ADGRL3: variants seen among roughly 807,000 people sequenced by gnomAD.
ADGRL3 encodes the protein calcium-independent alpha-latrotoxin receptor 3.
ADGRL3 carries 62 observed loss-of-function variants against 153.5 expected under a neutral mutation model. The ratio of observed to expected loss-of-function variants is 0.40; its 90% CI spans 0.33 to 0.50. The LOEUF is 0.50. Among genes scored for constraint, ADGRL3 ranks in the 20% least tolerant of loss-of-function variants. ADGRL3 has a pLI of 0.47. For synonymous variants in ADGRL3, 710 were observed against 672.5 expected (o/e 1.06, Z -0.86); for missense variants, 1,641 against 1,859.4 (o/e 0.88, Z 2.16).
intron 25 of ADGRL3, among the ~76,000 whole-genome samples, chr4:62,059,855 C>T (rs1278862518): frequency 1.3e-5 from 2 of 152,114 alleles, no homozygotes; most frequent in African/African-American, 4.8e-5. Context: ...AACTTTAGAA[C>T]TAACTGTCTT....
At chr4:61,669,433 T>C (rs1434550604) in intron 5 of ADGRL3, among the ~76,000 whole-genome samples, 2 of 152,184 alleles carry the variant, frequency 1.3e-5, no homozygotes, top group African/African-American at 4.8e-5. Context: ...ACTACTGATA[T>C]ATGCATCTAT....
chr4:61,494,788 C>T (rs145947753), intron 2 of ADGRL3, among the ~76,000 whole-genome samples: 1 of 151,874 alleles, frequency 6.6e-6, no homozygotes, highest in Admixed American at 6.6e-5. Flanking sequence ...AGAGAAAACT[C>T]TTTATATATA....
At chr4:61,329,719 G>A (rs1421758168) in intron 1 of ADGRL3, among the ~76,000 whole-genome samples, 1 of 152,078 alleles carries the variant, frequency 6.6e-6, no homozygotes, top group East Asian at 1.9e-4. Flanking sequence ...ACAGTTTTGT[G>A]TTGTCTTTTT....
intron 2 of ADGRL3, among the ~76,000 whole-genome samples, chr4:61,396,309 A>C (rs2096867793): frequency 6.6e-6 from 1 of 151,926 alleles, no homozygotes; most frequent in Non-Finnish European, 1.5e-5. Flanking sequence ...ACTAAGTTAT[A>C]ATGTTGGCCC....
chr4:61,676,847 T>C lies in ADGRL3; in HGVS notation c.495T>C (p.Cys165=), dbSNP rs1169063315. The C allele has an allele frequency of 1.9e-6, 3 of 1,611,936 alleles. No homozygotes were observed. The Admixed American group carries it at 5.0e-5, about 27-fold the overall frequency. ...TCAGATGCAATAACAGAACCCAGTG[T>C]GCAGTGGTGGCAGGTCCTGATGTTT... is the stretch of plus-strand genomic sequence containing the variant. The part of the protein sequence containing the change: ...MSQRCNNRTQ[C]AVVAGPDVFP... The change falls in exon 6 of 27, where the codon TGT becomes TGC. Residue 165 remains cysteine, a synonymous_variant. Transcript: ENST00000683033.
At chr4:61,306,002 G>A (rs1429605813) in intron 1 of ADGRL3, among the ~76,000 whole-genome samples, 2 of 152,158 alleles carry the variant, frequency 1.3e-5, no homozygotes, top group Non-Finnish European at 2.9e-5. Flanking sequence ...TTATAATGAA[G>A]TTAGAGATTC....
chr4:61,215,704 A>G (rs1036275091), intron 1 of ADGRL3, among the ~76,000 whole-genome samples: 1 of 151,410 alleles, frequency 6.6e-6, no homozygotes, highest in African/African-American at 2.4e-5. Context: ...GGCGCCCGCC[A>G]CCACGCCCGG....
At chr4:61,268,701 T>C (rs1366446580) in intron 1 of ADGRL3, among the ~76,000 whole-genome samples, 2 of 151,602 alleles carry the variant, frequency 1.3e-5, no homozygotes, top group Non-Finnish European at 3.0e-5. Flanking sequence ...TGACACATAT[T>C]TGGAAAAATA....
intron 25 of ADGRL3, among the ~76,000 whole-genome samples, chr4:62,046,492 T>A (rs972634286): frequency 5.3e-5 from 8 of 151,944 alleles, no homozygotes; most frequent in African/African-American, 1.7e-4. Flanking sequence ...ATTTGAAATA[T>A]ATTTAAAGGA....
chr4:61,715,947 TA>T (rs59481591), intron 6 of ADGRL3, among the ~76,000 whole-genome samples: 3,108 of 85,390 alleles, frequency 0.036, 92 homozygotes, highest in African/African-American at 0.094. Flanking sequence ...GCCCTTAAAG[TA>T]AAAAAAAAAA....
At chr4:62,042,797 A>G (rs1319939162) in intron 24 of ADGRL3, among the ~76,000 whole-genome samples, 2 of 152,110 alleles carry the variant, frequency 1.3e-5, no homozygotes, top group African/African-American at 2.4e-5. Flanking sequence ...ACAAAAGTAT[A>G]CAAAACATAA....
chr4:61,226,304 TG>T (rs1747945133), intron 1 of ADGRL3, among the ~76,000 whole-genome samples: 1 of 152,158 alleles, frequency 6.6e-6, no homozygotes, highest in Admixed American at 6.5e-5. Context: ...AAGAAAACAC[TG>T]TGGGTTTATT....
chr4:61,985,921 A>C (rs1161619731), intron 19 of ADGRL3, among the ~76,000 whole-genome samples: 8 of 146,942 alleles, frequency 5.4e-5, no homozygotes, highest in Middle Eastern at 3.3e-3. Flanking sequence ...AAAAAAAAAC[A>C]AAAAAACACG....
At chr4:61,527,658 T>A (rs2098577112) in intron 4 of ADGRL3, among the ~76,000 whole-genome samples, 1 of 152,202 alleles carries the variant, frequency 6.6e-6, no homozygotes, top group Non-Finnish European at 1.5e-5. Context: ...TTGTAAGATG[T>A]TGATGTAAAT....
chr4:61,383,702 C>T (rs1303654802), intron 2 of ADGRL3, among the ~76,000 whole-genome samples: 10 of 151,428 alleles, frequency 6.6e-5, no homozygotes, highest in Admixed American at 2.0e-4. Context: ...GGTAGCAACA[C>T]GATGTTTAAT....
intron 1 of ADGRL3, among the ~76,000 whole-genome samples, chr4:61,375,149 TAA>T (rs963740028): frequency 1.3e-5 from 2 of 151,414 alleles, no homozygotes; most frequent in Admixed American, 1.3e-4. Context: ...TGGTAACTCT[TAA>T]AAAAAAATCT....
At chr4:61,779,030 C>A (rs1178813118) in intron 8 of ADGRL3, among the ~76,000 whole-genome samples, 12 of 151,284 alleles carry the variant, frequency 7.9e-5, no homozygotes, top group South Asian at 6.2e-4. Context: ...TTGACTCAAG[C>A]CTGGGTGACA....
intron 3 of ADGRL3, among the ~76,000 whole-genome samples, chr4:61,504,139 T>C (rs1243458510): frequency 6.6e-6 from 1 of 152,096 alleles, no homozygotes; most frequent in Non-Finnish European, 1.5e-5. Flanking sequence ...ACCACAGGCA[T>C]GCGCCACCAC....
At chr4:61,517,258 C>G in intron 3 of ADGRL3, 57 bp from the exon 4 acceptor site, 2 of 692,264 alleles carry the variant, frequency 2.9e-6, no homozygotes, top group Non-Finnish European at 5.3e-6. Context: ...CCAGGGCTCC[C>G]CTGAGGCGGG....
Sources: gnomAD v4.1 joint callset for allele counts (sites outside exome capture counted in the v4.1 genomes callset) on GRCh38, gnomAD v4.1.1 for gene constraint, MANE v1.5 for transcripts, NCBI Gene and HGNC (gene_info 2026-07-23, HGNC 2026-07-21) for gene names.